The following FGF12 variants were observed in gnomAD, a reference collection of about 807,000 sequenced individuals.
FGF12 encodes fibroblast growth factor 12B.
A neutral mutation model predicts 23.6 loss-of-function variants in FGF12; 14 were observed. The observed-to-expected ratio is 0.59, with a 90% CI of 0.39 to 0.93. The LOEUF (loss-of-function observed/expected upper bound fraction) is 0.93, where lower values mean the gene tolerates loss of function less well. Among genes scored for constraint, FGF12 ranks in the 40% least tolerant of loss-of-function variants. FGF12 has a pLI of 0.00. For missense variants in FGF12, 175 were observed against 217.8 expected (o/e 0.80, Z 1.24); for synonymous variants, 62 against 77.3 (o/e 0.80, Z 1.04).
chr3:192,452,944 A>C (rs1158076662), intron 2 of FGF12, among the ~76,000 whole-genome samples: 1 of 152,128 alleles, frequency 6.6e-6, no homozygotes, highest in Non-Finnish European at 1.5e-5. Flanking sequence ...TAACCTACCT[A>C]ATGTGCCTGT....
intron 4 of FGF12, among the ~76,000 whole-genome samples, chr3:192,291,665 G>A (rs1255690308): frequency 6.6e-6 from 1 of 151,988 alleles, no homozygotes; most frequent in Non-Finnish European, 1.5e-5. Flanking sequence ...TGAATACTCT[G>A]GGAAGTACTG....
At position 192,408,291 on chromosome 3, in the gene FGF12, A is replaced by G. The variant is rs1356966092; in HGVS notation, c.14-47753T>C. ...CTCCGGCTTGCGCTCCGCCGGGGCG[A>G]GGGCAGGACCTGGGCGGCCAGGGAA... On this transcript the variant is annotated intron_variant, in intron 2 of 5. Transcript: ENST00000445105. The surrounding 1 kb of genome is among the most constrained non-coding windows in gnomAD (Gnocchi z 7.3). 1.3e-6 allele frequency: 2 copies of G among 1,482,650 alleles called. No individual in the cohort carries two copies. Among genetic ancestry groups the G allele is most frequent in the Non-Finnish European group, 1.8e-6 (2 of 1,121,804 alleles). The allele number at this position is 1,482,650 out of a possible 1,614,324, so 91.8% of individuals were successfully genotyped here. A position where few individuals can be genotyped will look rare whatever the true frequency, so the allele number is the denominator to read the frequency against.
chr3:192,441,459 C>T (rs150123700), intron 2 of FGF12, among the ~76,000 whole-genome samples: 383 of 152,316 alleles, frequency 2.5e-3, no homozygotes, highest in Non-Finnish European at 4.8e-3. Flanking sequence ...GTTTCCTTCC[C>T]TGTAACGCCT....
chr3:192,180,306 T>C (rs765963462), intron 4 of FGF12, among the ~76,000 whole-genome samples: 2 of 152,192 alleles, frequency 1.3e-5, no homozygotes, highest in Non-Finnish European at 2.9e-5. Flanking sequence ...GGGTATATTA[T>C]ATTACAATTC....
intron 2 of FGF12, among the ~76,000 whole-genome samples, chr3:192,621,134 C>T (rs899543381): frequency 4.6e-5 from 7 of 152,188 alleles, no homozygotes; most frequent in Middle Eastern, 3.4e-3. Context: ...TTTTTGTTTT[C>T]ACCCACCCCC....
intron 4 of FGF12, among the ~76,000 whole-genome samples, chr3:192,226,626 GA>G: frequency 6.6e-6 from 1 of 152,250 alleles, no homozygotes; most frequent in South Asian, 2.1e-4. Flanking sequence ...ACAGGAAGTG[GA>G]ACCTTTGCAA....
At chr3:192,547,873 C>T (rs1032745914) in intron 2 of FGF12, among the ~76,000 whole-genome samples, 4 of 152,140 alleles carry the variant, frequency 2.6e-5, no homozygotes, top group Admixed American at 2.0e-4. Context: ...TCATTTTCTT[C>T]AACATGTGCT....
chr3:192,430,618 C>T (rs572690081), intron 2 of FGF12, among the ~76,000 whole-genome samples: 1 of 152,286 alleles, frequency 6.6e-6, no homozygotes, highest in South Asian at 2.1e-4. Context: ...TAAATAGTTA[C>T]CACACAATGT....
intron 2 of FGF12, among the ~76,000 whole-genome samples, chr3:192,539,195 G>C (rs1410964299): frequency 6.6e-6 from 1 of 152,146 alleles, no homozygotes; most frequent in Non-Finnish European, 1.5e-5. Flanking sequence ...AATGGTGAAA[G>C]TGAGCATCCA....
chr3:192,159,568 A>C (rs941921484), intron 5 of FGF12, among the ~76,000 whole-genome samples: 28 of 152,176 alleles, frequency 1.8e-4, no homozygotes, highest in Non-Finnish European at 2.9e-5. Flanking sequence ...GATGGAGGTC[A>C]AGGTGGTATT....
At chr3:192,706,740 G>A (rs754040486) in intron 2 of FGF12, among the ~76,000 whole-genome samples, 3 of 152,292 alleles carry the variant, frequency 2.0e-5, no homozygotes, top group Middle Eastern at 3.4e-3. Context: ...AGGTCACAGA[G>A]CTAAACTTGA....
intron 2 of FGF12, among the ~76,000 whole-genome samples, chr3:192,589,180 C>A (rs1010018086): frequency 6.6e-6 from 1 of 151,494 alleles, no homozygotes; most frequent in Non-Finnish European, 1.5e-5. Flanking sequence ...ACTAAAAACA[C>A]AAAAAATAGC....
Position 192,727,489 on chromosome 3 carries a change from T to A in FGF12, c.-136A>T. On this transcript the variant is annotated 5_prime_UTR_variant, in exon 1 of 6. Coordinates refer to ENST00000445105, the MANE Select transcript of FGF12 (RefSeq NM_004113.6). ...TTTTTTTTTTTTTTTTTTACCTGGG[T>A]CTGGAAGCTGCAGGCAGGAGCTGTC... is the stretch of plus-strand genomic sequence containing the variant. 1.6e-6 allele frequency: 1 copy of A among 638,226 alleles called. No individual in the cohort carries two copies. The highest frequency in any genetic ancestry group is 2.5e-6 in the Non-Finnish European group (1 of 395,902). 39.5% of individuals were successfully genotyped at this position (638,226 alleles called of 1,614,324 possible). A position where few individuals can be genotyped will look rare whatever the true frequency, so the allele number is the denominator to read the frequency against.
chr3:192,710,392 G>A (rs1223689697), intron 2 of FGF12, among the ~76,000 whole-genome samples: 2 of 152,164 alleles, frequency 1.3e-5, no homozygotes, highest in African/African-American at 2.4e-5. Context: ...ATGCAGGTGT[G>A]TTTATATGTT....
chr3:192,373,685 G>T lies in FGF12; in HGVS notation c.14-13147C>A, dbSNP rs1719345778. Reference sequence around the variant, plus strand: ...GTGCTATAACTTAGATTCATTTTGGGAGGCTCTTAGGGACAAGTGAAACAC... The same window carrying T: ...GTGCTATAACTTAGATTCATTTTGGTAGGCTCTTAGGGACAAGTGAAACAC... On this transcript the variant is annotated intron_variant, in intron 2 of 5. Transcript: ENST00000445105. Among the ~76,000 whole-genome samples, 3 of 152,106 alleles carry T rather than the reference G, an allele frequency of 2.0e-5. No homozygotes were observed. The South Asian group carries it at 6.2e-4, about 32-fold the overall frequency.
At position 192,554,656 on chromosome 3, in the gene FGF12, A is replaced by G. The variant is rs116311509; in HGVS notation, c.13+172525T>C. On this transcript the variant is annotated intron_variant, in intron 2 of 5. Coordinates refer to ENST00000445105, the MANE Select transcript of FGF12 (RefSeq NM_004113.6). ...ATCCCAACACAAAGTTATAAGGCACATAATAAACAGAGAAACATGGTTCAA... is the reference window on the plus strand; with the variant it reads ...ATCCCAACACAAAGTTATAAGGCACGTAATAAACAGAGAAACATGGTTCAA... 8.5e-3 allele frequency among the ~76,000 whole-genome samples: 1,296 copies of G among 152,286 alleles called. 22 individuals are homozygous for G. The highest frequency in any genetic ancestry group is 0.029 in the African/African-American group (1,216 of 41,550).
intron 2 of FGF12, among the ~76,000 whole-genome samples, chr3:192,423,624 T>C (rs1325132973): frequency 6.6e-6 from 1 of 152,144 alleles, no homozygotes; most frequent in Non-Finnish European, 1.5e-5. Context: ...ATGCCCTCAT[T>C]TTAAAGATTA....
At chr3:192,249,851 A>C (rs1381195019) in intron 4 of FGF12, among the ~76,000 whole-genome samples, 1 of 152,148 alleles carries the variant, frequency 6.6e-6, no homozygotes, top group Non-Finnish European at 1.5e-5. Context: ...TTTATGTGAC[A>C]CTGACCAAAG....
At chr3:192,640,711 AT>A (rs1715760310) in intron 2 of FGF12, among the ~76,000 whole-genome samples, 1 of 152,184 alleles carries the variant, frequency 6.6e-6, no homozygotes, top group Non-Finnish European at 1.5e-5. Context: ...TTTGCTCTAA[AT>A]TAGTGTTTGG....
Sources: gnomAD v4.1 joint callset for allele counts (sites outside exome capture counted in the v4.1 genomes callset) on GRCh38, gnomAD v4.1.1 for gene constraint, Gnocchi (gnomAD v3.1) non-coding constraint, MANE v1.5 for transcripts, NCBI Gene and HGNC (gene_info 2026-07-23, HGNC 2026-07-21) for gene names.